GFRA2: variants seen among roughly 807,000 people sequenced by gnomAD.
The protein encoded by GFRA2 is GDNF family receptor alpha 2, also known as GDNF family receptor alpha-2.
A neutral mutation model predicts 48.3 loss-of-function variants in GFRA2; 17 were observed. That is an observed-to-expected ratio of 0.35 (90% confidence interval 0.24 to 0.53). The LOEUF (loss-of-function observed/expected upper bound fraction) is 0.53, where lower values mean the gene tolerates loss of function less well. Among genes scored for constraint, GFRA2 ranks in the 20% least tolerant of loss-of-function variants. The pLI is 0.93. For synonymous variants in GFRA2, 305 were observed against 257.2 expected (o/e 1.19, Z -1.78); for missense variants, 660 against 637.3 (o/e 1.04, Z -0.38).
In GFRA2 at chr8:21,737,382, G is replaced by C. The variant is rs115482908; in HGVS notation, c.794+13206C>G. On this transcript the variant is annotated intron_variant, in intron 4 of 8. Coordinates refer to ENST00000524240, the MANE Select transcript of GFRA2 (RefSeq NM_001495.5). ...AGACTCCGTCTCAAAAAAAAAAAGG[G>C]GTGGTGTGAGGATTTAGTGTAACTC... Among the ~76,000 whole-genome samples, 1,227 of 151,998 alleles carry C rather than the reference G, an allele frequency of 8.1e-3. 8 individuals are homozygous for C. Among genetic ancestry groups the C allele is most frequent in the African/African-American group, 0.028 (1,168 of 41,448 alleles).
At chr8:21,720,053 A>G (rs1194990303) in intron 4 of GFRA2, among the ~76,000 whole-genome samples, 1 of 152,170 alleles carries the variant, frequency 6.6e-6, no homozygotes, top group Non-Finnish European at 1.5e-5. Flanking sequence ...CTCTCCCTTC[A>G]ACTTCCACAG....
intron 4 of GFRA2, among the ~76,000 whole-genome samples, chr8:21,723,695 C>A: frequency 6.6e-6 from 1 of 152,168 alleles, no homozygotes. Flanking sequence ...CTTTTGGACA[C>A]CCCTGGGAAA....
chr8:21,763,420 C>G (rs1351929088), intron 3 of GFRA2, among the ~76,000 whole-genome samples: 2 of 152,044 alleles, frequency 1.3e-5, no homozygotes, highest in African/African-American at 2.4e-5. Context: ...CCCTGCCATT[C>G]CCCTCTCTCA....
intron 3 of GFRA2, chr8:21,769,277 C>T: frequency 1.8e-5 from 8 of 443,916 alleles, no homozygotes; most frequent in Non-Finnish European, 2.1e-5. Context: ...CTGCCCCTTC[C>T]ATGATCGATT....
intron 4 of GFRA2, among the ~76,000 whole-genome samples, chr8:21,738,030 C>T (rs1370226400): frequency 3.3e-5 from 5 of 151,878 alleles, no homozygotes; most frequent in Admixed American, 6.6e-5. Flanking sequence ...AACTCGCAGA[C>T]ACACAAACAC....
At chr8:21,792,613 G>C (rs1807594909), upstream of GFRA2, among the ~76,000 whole-genome samples, 1 of 152,230 alleles carries the variant, frequency 6.6e-6, no homozygotes, top group Admixed American at 6.5e-5. Context: ...GTGGGAGAAA[G>C]GAAGAGTTGG....
chr8:21,777,302 C>T lies in GFRA2; in HGVS notation c.356-2247G>A, dbSNP rs370650636. On this transcript the variant is annotated intron_variant, in intron 2 of 8. Coordinates refer to ENST00000524240, the MANE Select transcript of GFRA2 (RefSeq NM_001495.5). ...CTTTTCCCAAGATCAGTCTTCTGTC[C>T]GCCAGATGGTGCCCCGGGGTGGTGT... 2.2e-4 allele frequency among the ~76,000 whole-genome samples: 33 copies of T among 152,112 alleles called. 1 individual carries two copies. In the South Asian group the frequency reaches 4.8e-3, roughly 22 times the overall value.
intron 4 of GFRA2, among the ~76,000 whole-genome samples, chr8:21,739,655 C>G (rs530305163): frequency 6.6e-6 from 1 of 152,156 alleles, no homozygotes; most frequent in East Asian, 1.9e-4. Context: ...GCAGGGCTGC[C>G]TCCCCCCTGG....
At chr8:21,778,758 G>A (rs1045354956) in intron 2 of GFRA2, among the ~76,000 whole-genome samples, 75 of 152,192 alleles carry the variant, frequency 4.9e-4, no homozygotes, top group African/African-American at 1.6e-3. Context: ...GTAGTGGCAC[G>A]TGCCTGTAGT....
chr8:21,718,338 G>A (rs896372200), intron 4 of GFRA2, among the ~76,000 whole-genome samples: 1 of 152,166 alleles, frequency 6.6e-6, no homozygotes, highest in East Asian at 1.9e-4. Context: ...TAATTGTGAG[G>A]CTTCCCCAGC....
At chr8:21,808,099 C>T (rs1807906093) in intron 1 of GFRA2, among the ~76,000 whole-genome samples, 2 of 152,164 alleles carry the variant, frequency 1.3e-5, no homozygotes, top group South Asian at 4.1e-4. Context: ...CTCCACAATG[C>T]CAACTTCAGG....
chr8:21,777,366 G>A (rs1806757544), intron 2 of GFRA2, among the ~76,000 whole-genome samples: 1 of 151,756 alleles, frequency 6.6e-6, no homozygotes, highest in Non-Finnish European at 1.5e-5. Context: ...GCGCAGCCAT[G>A]GGCCTAGGTA....
chr8:21,762,886 A>AT (rs1327884385), intron 3 of GFRA2, among the ~76,000 whole-genome samples: 1 of 152,110 alleles, frequency 6.6e-6, no homozygotes. Flanking sequence ...GTTGGGTTTA[A>AT]TTTTGTATTT....
chr8:21,764,564 C>G (rs891471418), intron 3 of GFRA2, among the ~76,000 whole-genome samples: 11 of 152,248 alleles, frequency 7.2e-5, no homozygotes, highest in Non-Finnish European at 1.5e-4. Context: ...TCTGTCTCAC[C>G]TGGACATCCA....
chr8:21,782,874 G>T lies in GFRA2; in HGVS notation c.66C>A (p.Ser22Arg). ...FLDETLRSLASPSSLQGPELH... is the reference protein window; with the variant it reads ...FLDETLRSLARPSSLQGPELH... Reference sequence around the variant, plus strand: ...GCTCGGGGCCCTGCAGGGAGGAAGGGCTGGCCAAAGAGCGGAGGGTCTCGT... The same window carrying T: ...GCTCGGGGCCCTGCAGGGAGGAAGGTCTGGCCAAAGAGCGGAGGGTCTCGT... Residue 22 changes from serine (S) to arginine (R), a missense_variant, in exon 2 of 9, where the codon AGC becomes AGA. Physicochemically the swap from Ser to Arg is moderately radical, Grantham distance 110. Coordinates refer to ENST00000524240, the MANE Select transcript of GFRA2 (RefSeq NM_001495.5). The T allele has an allele frequency of 6.4e-7, 1 of 1,564,054 alleles. No individual in the cohort carries two copies. Among genetic ancestry groups the T allele is most frequent in the Non-Finnish European group, 8.6e-7 (1 of 1,162,304 alleles).
At chr8:21,806,299 T>C (rs1023984479) in intron 1 of GFRA2, among the ~76,000 whole-genome samples, 3 of 152,244 alleles carry the variant, frequency 2.0e-5, no homozygotes, top group African/African-American at 4.8e-5. Flanking sequence ...AACCATTCTG[T>C]TGTTCACTTC....
intron 7 of GFRA2, among the ~76,000 whole-genome samples, chr8:21,697,379 A>C (rs376149507): frequency 1.3e-5 from 2 of 152,006 alleles, no homozygotes; most frequent in Non-Finnish European, 2.9e-5. Flanking sequence ...GTACCCTCTC[A>C]TCTGATGCTG....
At chr8:21,800,469 G>A (rs1585352578) in intron 2 of GFRA2, among the ~76,000 whole-genome samples, 2 of 152,224 alleles carry the variant, frequency 1.3e-5, no homozygotes, top group Non-Finnish European at 1.5e-5. Context: ...ACAACCAGTC[G>A]CTTGGAGTGG....
intron 7 of GFRA2, among the ~76,000 whole-genome samples, chr8:21,701,488 T>G (rs1802476654): frequency 6.6e-6 from 1 of 152,226 alleles, no homozygotes; most frequent in South Asian, 2.1e-4. Context: ...TGGAGAGTGG[T>G]AGAGGTTGGA....
Sources: allele counts gnomAD v4.1 joint callset (sites outside exome capture counted in the v4.1 genomes callset), GRCh38; gene constraint gnomAD v4.1.1; transcripts MANE v1.5; gene names NCBI Gene and HGNC (gene_info 2026-07-23, HGNC 2026-07-21).